The following MCU variants were observed in gnomAD, a reference collection of about 807,000 sequenced individuals.
MCU encodes the protein calcium uniporter protein, mitochondrial.
A neutral mutation model predicts 45.2 loss-of-function variants in MCU; 12 were observed. The ratio of observed to expected loss-of-function variants is 0.27; its 90% CI spans 0.17 to 0.43. The LOEUF (loss-of-function observed/expected upper bound fraction) is 0.43, where lower values mean the gene tolerates loss of function less well. Among genes scored for constraint, MCU ranks in the 20% least tolerant of loss-of-function variants. MCU has a pLI of 1.00. For synonymous variants in MCU, 160 were observed against 165.1 expected (o/e 0.97, Z 0.24); for missense variants, 324 against 436.7 (o/e 0.74, Z 2.30).
At chr10:72,845,741 C>A (rs1022988059) in intron 2 of MCU, among the ~76,000 whole-genome samples, 1 of 152,086 alleles carries the variant, frequency 6.6e-6, no homozygotes, top group Non-Finnish European at 1.5e-5. Flanking sequence ...GAATGTATCC[C>A]TGTCGTTAAG....
At chr10:72,714,343 G>GTTTTTTTTTTTTTT (rs1479850646) in intron 1 of MCU, among the ~76,000 whole-genome samples, 1 of 49,486 alleles carries the variant, frequency 2.0e-5, no homozygotes, top group Non-Finnish European at 5.6e-5. Context: ...CCCCGCCCTG[G>GTTTTTTTTTTTTTT]TCTTTTTTTT....
chr10:72,867,111 A>G (rs1845469058), intron 4 of MCU, among the ~76,000 whole-genome samples: 1 of 150,358 alleles, frequency 6.7e-6, no homozygotes, highest in African/African-American at 2.5e-5. Flanking sequence ...GCTCTTCTCT[A>G]ATCCAATTTG....
intron 2 of MCU, among the ~76,000 whole-genome samples, chr10:72,845,153 A>G (rs1309087216): frequency 6.6e-6 from 1 of 152,158 alleles, no homozygotes; most frequent in Non-Finnish European, 1.5e-5. Flanking sequence ...GAAATCTGAC[A>G]TGTGATTGAT....
At chr10:72,765,232 T>C (rs1843709243) in intron 1 of MCU, among the ~76,000 whole-genome samples, 1 of 152,210 alleles carries the variant, frequency 6.6e-6, no homozygotes, top group South Asian at 2.1e-4. Flanking sequence ...TTTGATTGTT[T>C]AGAAATGTAT....
chr10:72,728,685 G>C (rs1227274520), intron 1 of MCU, among the ~76,000 whole-genome samples: 4 of 152,164 alleles, frequency 2.6e-5, no homozygotes, highest in African/African-American at 7.2e-5. Flanking sequence ...GGGGAGTATA[G>C]TATGAGATAA....
At chr10:72,874,366 A>G (rs567119893) in intron 6 of MCU, among the ~76,000 whole-genome samples, 3 of 152,332 alleles carry the variant, frequency 2.0e-5, no homozygotes, top group East Asian at 3.9e-4. Context: ...GATCCAACCT[A>G]GCACTCCCTT....
intron 1 of MCU, among the ~76,000 whole-genome samples, chr10:72,811,587 G>A (rs1239734527): frequency 1.3e-5 from 2 of 152,142 alleles, no homozygotes; most frequent in Non-Finnish European, 2.9e-5. Context: ...TGACATTAGA[G>A]TTCCAGAGCA....
At chr10:72,798,657 T>A (rs1206388969) in intron 1 of MCU, among the ~76,000 whole-genome samples, 1 of 152,042 alleles carries the variant, frequency 6.6e-6, no homozygotes, top group Non-Finnish European at 1.5e-5. Flanking sequence ...TTTTTAGAAA[T>A]CTTTTCTTAC....
In MCU at chr10:72,858,014, G is replaced by A. The variant is rs145299854; in HGVS notation, c.221-1163G>A. Among the ~76,000 whole-genome samples, 22 of 152,234 alleles carry A rather than the reference G, an allele frequency of 1.4e-4. No individual in the cohort carries two copies. In the East Asian group the frequency reaches 4.2e-3, roughly 29 times the overall value. On this transcript the variant is annotated intron_variant, in intron 2 of 7. Transcript: ENST00000373053. ...GCTAACTTATGACAACTGAAGAATG[G>A]CGAGGTTCATAAATTTGGAAAGGAG...
intron 1 of MCU, among the ~76,000 whole-genome samples, chr10:72,795,026 A>G (rs773750430): frequency 1.3e-5 from 2 of 152,224 alleles, no homozygotes; most frequent in Non-Finnish European, 2.9e-5. Context: ...ATATTTTCTT[A>G]AAATTTTCCT....
intron 1 of MCU, chr10:72,766,644 T>C (rs982396592): frequency 1.3e-5 from 2 of 152,186 alleles, no homozygotes; most frequent in African/African-American, 4.8e-5. Context: ...CCATTCAAAG[T>C]CATAGCCCAT....
intron 1 of MCU, among the ~76,000 whole-genome samples, chr10:72,758,533 A>T (rs953777854): frequency 3.9e-5 from 6 of 152,198 alleles, no homozygotes; most frequent in Admixed American, 6.5e-5. Flanking sequence ...AGAGAAAGGG[A>T]AATAGTTACT....
At chr10:72,703,296 A>G (rs1464826242) in intron 1 of MCU, among the ~76,000 whole-genome samples, 2 of 152,226 alleles carry the variant, frequency 1.3e-5, no homozygotes, top group African/African-American at 4.8e-5. Context: ...TAGATAGTGA[A>G]ACTAAGTTAC....
chr10:72,759,574 A>AT (rs1259172150), intron 1 of MCU, among the ~76,000 whole-genome samples: 35 of 152,190 alleles, frequency 2.3e-4, no homozygotes, highest in African/African-American at 8.2e-4. Flanking sequence ...TGAAGTTTAA[A>AT]TTAAGTCTAT....
At chr10:72,856,770 A>T (rs1250695508) in intron 2 of MCU, among the ~76,000 whole-genome samples, 1 of 107,526 alleles carries the variant, frequency 9.3e-6, no homozygotes, top group African/African-American at 4.5e-5. Flanking sequence ...CCTGTCTCTA[A>T]AAAAAAAAAA....
intron 1 of MCU, among the ~76,000 whole-genome samples, chr10:72,799,733 A>C (rs187672424): frequency 6.6e-6 from 1 of 152,166 alleles, no homozygotes. Context: ...AGCAAAACCC[A>C]TGTCATTGTT....
chr10:72,834,767 T>G (rs543331172), intron 2 of MCU, among the ~76,000 whole-genome samples: 1 of 152,238 alleles, frequency 6.6e-6, no homozygotes, highest in African/African-American at 2.4e-5. Context: ...ATTCAAGCAA[T>G]TCTCCTGCCT....
rs146148432 is a variant in MCU at position 72,728,773 on chromosome 10, T to G, written c.150+36472T>G. 3.3e-5 allele frequency among the ~76,000 whole-genome samples: 5 copies of G among 152,250 alleles called. No homozygotes were observed. The South Asian group carries it at 6.2e-4, about 19-fold the overall frequency. On this transcript the variant is annotated intron_variant, in intron 1 of 7. Coordinates refer to ENST00000373053, the MANE Select transcript of MCU (RefSeq NM_138357.3). Reference sequence around the variant, plus strand: ...CCTTTCCTACTCTGAGAATGACTTGTTGAGAGTAGGGATGAAATTATATGT... The same window carrying G: ...CCTTTCCTACTCTGAGAATGACTTGGTGAGAGTAGGGATGAAATTATATGT...
chr10:72,770,636 T>C (rs911139271), intron 1 of MCU, among the ~76,000 whole-genome samples: 2 of 152,104 alleles, frequency 1.3e-5, no homozygotes, highest in Non-Finnish European at 2.9e-5. Context: ...ATATTCACCT[T>C]CTTATTTACC....
Sources: gnomAD v4.1 joint callset for allele counts (sites outside exome capture counted in the v4.1 genomes callset) on GRCh38, gnomAD v4.1.1 for gene constraint, MANE v1.5 for transcripts, NCBI Gene and HGNC (gene_info 2026-07-23, HGNC 2026-07-21) for gene names.